TSC22D3: variants seen among roughly 807,000 people sequenced by gnomAD.
The protein encoded by TSC22D3 is TSC22 domain family protein 3.
In TSC22D3, 4 loss-of-function variants were observed where a neutral mutation model predicts 11.1. The observed-to-expected ratio is 0.36, with a 90% CI of 0.18 to 0.83. The LOEUF (loss-of-function observed/expected upper bound fraction) is 0.83, where lower values mean the gene tolerates loss of function less well. Ranked by LOEUF, TSC22D3 falls within the 40% of genes least tolerant of loss-of-function variation. The probability of loss-of-function intolerance (pLI) is 0.48; values close to 1 mark genes in which losing one functional copy is unlikely to be tolerated. For missense variants in TSC22D3, 118 were observed against 159.4 expected (o/e 0.74, Z 1.40); for synonymous variants, 77 against 70.3 (o/e 1.10, Z -0.48).
chrX:107,737,574 G>A (rs753780918), intron 1 of TSC22D3, among the ~76,000 whole-genome samples: 129 of 111,256 alleles, frequency 1.2e-3, no homozygotes, highest in Non-Finnish European at 2.1e-3. Flanking sequence ...CCTCCATGCT[G>A]CTTTTTTTCT....
chrX:107,733,561 C>G (rs892950855), intron 1 of TSC22D3, among the ~76,000 whole-genome samples: 4 of 111,074 alleles, frequency 3.6e-5, no homozygotes, highest in Non-Finnish European at 7.5e-5. Context: ...ACCCTCATCC[C>G]CCTCACCATC....
At chrX:107,720,459 C>A (rs1307437121) in intron 1 of TSC22D3, among the ~76,000 whole-genome samples, 1 of 112,011 alleles carries the variant, frequency 8.9e-6, no homozygotes, top group African/African-American at 3.2e-5. Context: ...CAGGAGGCTG[C>A]GGTGGGCAGA....
At chrX:107,771,897 C>T (rs763064219) in intron 1 of TSC22D3, among the ~76,000 whole-genome samples, 28 of 112,280 alleles carry the variant, frequency 2.5e-4, no homozygotes, top group East Asian at 8.3e-4. Context: ...GTGGTTAAAA[C>T]GGAAGGAAAA....
intron 1 of TSC22D3, among the ~76,000 whole-genome samples, chrX:107,764,806 C>A (rs1399415483): frequency 9.0e-6 from 1 of 111,626 alleles, no homozygotes; most frequent in African/African-American, 3.3e-5. Context: ...CTGGTGCCCA[C>A]CCTCGACTGC....
intron 1 of TSC22D3, among the ~76,000 whole-genome samples, chrX:107,734,261 T>C (rs1928024473): frequency 1.8e-5 from 2 of 112,380 alleles, no homozygotes; most frequent in African/African-American, 3.2e-5. Flanking sequence ...GTGTGTATCT[T>C]AACAGCTCTG....
In TSC22D3 at chrX:107,775,267, C is replaced by T. The variant is rs373308298; in HGVS notation, c.153G>A (p.Leu51=). Residue 51 remains leucine, a synonymous_variant, in exon 1 of 3, where the codon CTG becomes CTA. Coordinates refer to ENST00000372383, the MANE Select transcript of TSC22D3 (RefSeq NM_198057.3). ...GGTTCTCAAAGACCAGCTTTTCCTGCAGCTGCCGAAAGTTGCTCACTGTAG... is the reference window on the plus strand; with the variant it reads ...GGTTCTCAAAGACCAGCTTTTCCTGTAGCTGCCGAAAGTTGCTCACTGTAG... ...GSPTVSNFRQ[L]QEKLVFENLN... 8.3e-7 allele frequency: 1 copy of T among 1,210,722 alleles called. No individual in the cohort carries two copies. Among genetic ancestry groups the T allele is most frequent in the African/African-American group, 1.7e-5 (1 of 57,366 alleles).
intron 1 of TSC22D3, among the ~76,000 whole-genome samples, chrX:107,769,978 C>G (rs769818860): frequency 9.9e-4 from 111 of 112,390 alleles, no homozygotes; most frequent in African/African-American, 3.5e-3. Flanking sequence ...TGTCAGACCA[C>G]TAGGCACTCA....
At chrX:107,737,871 G>A (rs757796201) in intron 1 of TSC22D3, among the ~76,000 whole-genome samples, 33 of 112,247 alleles carry the variant, frequency 2.9e-4, no homozygotes, top group African/African-American at 1.1e-3. Flanking sequence ...TCAGCAAAGA[G>A]ATGTGAATTT....
intron 1 of TSC22D3, among the ~76,000 whole-genome samples, chrX:107,755,991 A>G (rs925345723): frequency 8.9e-6 from 1 of 111,848 alleles, no homozygotes; most frequent in African/African-American, 3.3e-5. Context: ...GGGGCAGAGC[A>G]GGACACTGGG....
chrX:107,723,088 A>T (rs758631383), intron 1 of TSC22D3, among the ~76,000 whole-genome samples: 5 of 110,604 alleles, frequency 4.5e-5, no homozygotes, highest in East Asian at 5.7e-4. Context: ...GGGAAGGACC[A>T]TGCCACTACC....
At chrX:107,774,883 T>C in intron 1 of TSC22D3, 1 of 444,087 alleles carries the variant, frequency 2.3e-6, no homozygotes, top group South Asian at 3.7e-5. Flanking sequence ...TCAGAAAGCC[T>C]TTGCAGGCAG....
intron 1 of TSC22D3, among the ~76,000 whole-genome samples, chrX:107,723,206 A>G (rs1014243380): frequency 9.0e-6 from 1 of 111,034 alleles, no homozygotes; most frequent in African/African-American, 3.3e-5. Flanking sequence ...CACGAAACTT[A>G]GGGTTTCTGT....
At chrX:107,734,648 T>C (rs1928039852) in intron 1 of TSC22D3, among the ~76,000 whole-genome samples, 1 of 110,112 alleles carries the variant, frequency 9.1e-6, no homozygotes, top group Admixed American at 9.7e-5. Context: ...AAATGTGGTC[T>C]TGGGGGACCA....
intron 1 of TSC22D3, among the ~76,000 whole-genome samples, chrX:107,754,172 G>A (rs895673366): frequency 9.0e-6 from 1 of 110,678 alleles, no homozygotes; most frequent in African/African-American, 3.3e-5. Context: ...TCCCACCTCG[G>A]CCTCTCAAAT....
intron 1 of TSC22D3, among the ~76,000 whole-genome samples, chrX:107,753,825 C>T (rs1396959093): frequency 9.0e-6 from 1 of 111,555 alleles, no homozygotes; most frequent in East Asian, 2.8e-4. Flanking sequence ...CTGTATACTC[C>T]AGGGGTGCAA....
At chrX:107,740,524 G>C (rs1244223199) in intron 1 of TSC22D3, among the ~76,000 whole-genome samples, 1 of 111,003 alleles carries the variant, frequency 9.0e-6, no homozygotes, top group Non-Finnish European at 1.9e-5. Context: ...GGAGGTTGCA[G>C]TGAGCCAAGA....
At chrX:107,772,241 G>A (rs1929935822) in intron 1 of TSC22D3, among the ~76,000 whole-genome samples, 1 of 111,518 alleles carries the variant, frequency 9.0e-6, no homozygotes, top group African/African-American at 3.3e-5. Flanking sequence ...CAGGAGGAGG[G>A]GTGGGAGACT....
chrX:107,749,866 A>G (rs1928856719), intron 1 of TSC22D3, among the ~76,000 whole-genome samples: 1 of 111,934 alleles, frequency 8.9e-6, no homozygotes, highest in Admixed American at 9.5e-5. Context: ...AGAGAATGCT[A>G]TACAAAGGCA....
chrX:107,755,180 G>A (rs2147776729), intron 1 of TSC22D3, among the ~76,000 whole-genome samples: 1 of 112,685 alleles, frequency 8.9e-6, no homozygotes, highest in African/African-American at 3.2e-5. Flanking sequence ...GACAAGGGAT[G>A]GGATAACTAC....
Sources: gnomAD v4.1 joint callset for allele counts (sites outside exome capture counted in the v4.1 genomes callset) on GRCh38, gnomAD v4.1.1 for gene constraint, MANE v1.5 for transcripts, NCBI Gene and HGNC (gene_info 2026-07-23, HGNC 2026-07-21) for gene names.